The following CYP7B1 variants were observed in gnomAD, a reference collection of about 807,000 sequenced individuals.
CYP7B1 encodes the protein cytochrome P450 7B1.
Under a neutral mutation model 42.7 loss-of-function variants are expected in CYP7B1, and 29 were observed. That is an observed-to-expected ratio of 0.68 (90% CI 0.51 to 0.93). The LOEUF (loss-of-function observed/expected upper bound fraction) is 0.93, where lower values mean the gene tolerates loss of function less well. Among genes scored for constraint, CYP7B1 ranks in the 40% least tolerant of loss-of-function variants. The probability of loss-of-function intolerance (pLI) is 0.00; values close to 1 mark genes in which losing one functional copy is unlikely to be tolerated. For synonymous variants in CYP7B1, 235 were observed against 218.2 expected, an observed-to-expected ratio of 1.08 and a Z score of -0.68; for missense variants, 655 against 600.5, an observed-to-expected ratio of 1.09 and a Z score of -0.95.
intron 2 of CYP7B1, among the ~76,000 whole-genome samples, chr8:64,620,615 A>G (rs540119859): frequency 1.4e-4 from 21 of 152,368 alleles, no homozygotes; most frequent in Non-Finnish European, 2.5e-4. Context: ...GCAAGAACAT[A>G]TACTCAGTGA....
chr8:64,601,425 T>C (rs955730358), intron 5 of CYP7B1, among the ~76,000 whole-genome samples: 3 of 152,210 alleles, frequency 2.0e-5, no homozygotes, highest in South Asian at 4.1e-4. Context: ...TATCCCTCAG[T>C]ACCTCTGGAC....
chr8:64,757,677 C>T (rs1234281326), intron 1 of CYP7B1, among the ~76,000 whole-genome samples: 1 of 152,200 alleles, frequency 6.6e-6, no homozygotes, highest in Non-Finnish European at 1.5e-5. Context: ...CACTCAGGTG[C>T]AACTTGGCAG....
At chr8:64,752,694 A>G (rs1171010799) in intron 1 of CYP7B1, among the ~76,000 whole-genome samples, 3 of 152,228 alleles carry the variant, frequency 2.0e-5, no homozygotes, top group South Asian at 2.1e-4. Context: ...CCTTTTCTAC[A>G]TATGTAAGTC....
chr8:64,774,957 C>A (rs1451197411), intron 1 of CYP7B1, among the ~76,000 whole-genome samples: 1 of 152,156 alleles, frequency 6.6e-6, no homozygotes, highest in Non-Finnish European at 1.5e-5. Context: ...TCTGCCATAT[C>A]TTGACCTGAC....
At chr8:64,775,370 G>T (rs1418120429) in intron 1 of CYP7B1, among the ~76,000 whole-genome samples, 1 of 152,084 alleles carries the variant, frequency 6.6e-6, no homozygotes, top group Non-Finnish European at 1.5e-5. Flanking sequence ...ATTCCTTATA[G>T]TAAACTGTGT....
At position 64,592,570 on chromosome 8, in the gene CYP7B1, G is replaced by C. The variant is rs1805052821; in HGVS notation, c.*4072C>G. Among the ~76,000 whole-genome samples the C allele has an allele frequency of 6.6e-6, 1 of 152,138 alleles. No homozygotes were observed. Among genetic ancestry groups the C allele is most frequent in the South Asian group, 2.1e-4 (1 of 4,830 alleles). ...AGAGAAAATGCTCAATGAATGTTTG[G>C]TTGAATAAATGAACAATGAATTAAC... is the stretch of plus-strand genomic sequence containing the variant. On this transcript the variant is annotated 3_prime_UTR_variant, in exon 6 of 6. Transcript: ENST00000310193.
At chr8:64,704,521 G>T (rs1806964391) in intron 1 of CYP7B1, among the ~76,000 whole-genome samples, 1 of 152,000 alleles carries the variant, frequency 6.6e-6, no homozygotes, top group South Asian at 2.1e-4. Context: ...TCAGGAAAAG[G>T]TATAACCTTA....
At chr8:64,709,872 T>C (rs577754077) in intron 1 of CYP7B1, among the ~76,000 whole-genome samples, 1 of 152,298 alleles carries the variant, frequency 6.6e-6, no homozygotes, top group South Asian at 2.1e-4. Flanking sequence ...TTTTACTACA[T>C]TGATTTTTTT....
intron 1 of CYP7B1, among the ~76,000 whole-genome samples, chr8:64,781,122 G>C (rs1041902840): frequency 1.3e-5 from 2 of 152,102 alleles, no homozygotes; most frequent in African/African-American, 4.8e-5. Flanking sequence ...ATTCTCAAAT[G>C]ATGATGTATT....
intron 1 of CYP7B1, among the ~76,000 whole-genome samples, chr8:64,686,593 C>A (rs1806653186): frequency 3.7e-5 from 2 of 53,806 alleles, no homozygotes; most frequent in South Asian, 1.1e-3. Flanking sequence ...AAGTGAGGAG[C>A]CCCTCTGCCC....
rs1433466852 is a variant in CYP7B1, at chr8:64,604,836, A to G, written c.1079T>C (p.Leu360Ser). ...GGTGGTTGAATATGAGGACAGTCGT[A>G]AAGCTTCAAAAATGCTGCTTTCTGA... Reference protein sequence around the residue: ...ICLESSIFEALRLSSYSTTIR... With the variant: ...ICLESSIFEASRLSSYSTTIR... The change falls in exon 5 of 6, where the codon TTA becomes TCA. Residue 360 changes from leucine (L) to serine (S), a missense_variant. By Grantham distance (145) the Leu-to-Ser change is moderately radical. Coordinates refer to ENST00000310193, the MANE Select transcript of CYP7B1 (RefSeq NM_004820.5). 1.9e-6 allele frequency: 3 copies of G among 1,613,980 alleles called. No individual in the cohort carries two copies. Among genetic ancestry groups the G allele is most frequent in the African/African-American group, 2.7e-5 (2 of 74,940 alleles).
chr8:64,752,491 C>G (rs1807744247), intron 1 of CYP7B1, among the ~76,000 whole-genome samples: 1 of 151,976 alleles, frequency 6.6e-6, no homozygotes, highest in Admixed American at 6.6e-5. Flanking sequence ...TCCGATGTAT[C>G]TCTGCCACCC....
At position 64,691,472 on chromosome 8, in the gene CYP7B1, C is replaced by T. The variant is rs964806865; in HGVS notation, c.123-66933G>A. On this transcript the variant is annotated intron_variant, in intron 1 of 5. Transcript: ENST00000310193. ...AGGCACCAACATGAACGTATGGTTG[C>T]GATGGCAACTGGGGGGGGGGGGTGG... Among the ~76,000 whole-genome samples, 28 of 80,204 alleles carry T rather than the reference C, an allele frequency of 3.5e-4. 1 individual carries two copies. Among genetic ancestry groups the T allele is most frequent in the Non-Finnish European group, 6.3e-4 (26 of 41,364 alleles). 52.6% of individuals were successfully genotyped at this position (80,204 alleles called of 152,430 possible).
intron 1 of CYP7B1, among the ~76,000 whole-genome samples, chr8:64,772,043 G>A (rs908815524): frequency 5.9e-5 from 9 of 152,176 alleles, no homozygotes; most frequent in African/African-American, 1.9e-4. Context: ...ACTCTCATAA[G>A]ATGACCTTGC....
intron 2 of CYP7B1, among the ~76,000 whole-genome samples, chr8:64,624,175 A>T (rs1424486278): frequency 6.6e-6 from 1 of 152,080 alleles, no homozygotes; most frequent in Non-Finnish European, 1.5e-5. Context: ...ATGACAGGTG[A>T]TGGCTGGAAA....
chr8:64,723,810 A>C (rs1001518560), intron 1 of CYP7B1, among the ~76,000 whole-genome samples: 2 of 152,234 alleles, frequency 1.3e-5, no homozygotes, highest in Non-Finnish European at 2.9e-5. Flanking sequence ...AAAAAGAAAA[A>C]AAAACAAAAA....
At chr8:64,796,789 A>G (rs377346621) in intron 1 of CYP7B1, among the ~76,000 whole-genome samples, 1 of 152,234 alleles carries the variant, frequency 6.6e-6, no homozygotes, top group Non-Finnish European at 1.5e-5. Context: ...ATATTTCCCC[A>G]CGATTTTTAT....
At chr8:64,606,898 C>T (rs1805291265) in intron 4 of CYP7B1, among the ~76,000 whole-genome samples, 1 of 152,122 alleles carries the variant, frequency 6.6e-6, no homozygotes. Flanking sequence ...TCCACCAGCC[C>T]CAGTACGAAT....
At chr8:64,726,306 T>C (rs1807323769) in intron 1 of CYP7B1, among the ~76,000 whole-genome samples, 3 of 152,222 alleles carry the variant, frequency 2.0e-5, no homozygotes, top group African/African-American at 7.2e-5. Context: ...TCTGAGAAAT[T>C]GCAGAGACTG....
Sources: allele counts gnomAD v4.1 joint callset (sites outside exome capture counted in the v4.1 genomes callset), GRCh38; gene constraint gnomAD v4.1.1; transcripts MANE v1.5; gene names NCBI Gene and HGNC (gene_info 2026-07-23, HGNC 2026-07-21).